The following KIF26B variants were observed in gnomAD, a reference collection of about 807,000 sequenced individuals.
The protein encoded by KIF26B is kinesin family member 26B, also known as kinesin-like protein KIF26B.
A neutral mutation model predicts 151.2 loss-of-function variants in KIF26B; 63 were observed. That is an observed-to-expected ratio of 0.42 (90% CI 0.34 to 0.51). The LOEUF (loss-of-function observed/expected upper bound fraction) is 0.51, where lower values mean the gene tolerates loss of function less well. KIF26B is among the 20% of genes least tolerant of loss of function. The pLI is 0.07. For missense variants in KIF26B, 2,813 were observed against 2,913.6 expected (o/e 0.97, Z 0.79); for synonymous variants, 1,357 against 1,262.1 (o/e 1.08, Z -1.59).
At chr1:245,435,524 G>C (rs986742004) in intron 4 of KIF26B, among the ~76,000 whole-genome samples, 2 of 152,208 alleles carry the variant, frequency 1.3e-5, no homozygotes, top group African/African-American at 4.8e-5. Context: ...AGAGGTACTT[G>C]TCTAGCTTAT....
intron 4 of KIF26B, among the ~76,000 whole-genome samples, chr1:245,487,843 C>G (rs1253519908): frequency 2.7e-5 from 4 of 150,608 alleles, no homozygotes; most frequent in Non-Finnish European, 5.9e-5. Context: ...GGCTGGAGTA[C>G]AGTGGCGCGA....
chr1:245,616,710 T>C (rs1323249030), intron 9 of KIF26B, among the ~76,000 whole-genome samples: 3 of 152,190 alleles, frequency 2.0e-5, no homozygotes, highest in Non-Finnish European at 4.4e-5. Flanking sequence ...TGGCATCATA[T>C]TGGCCTTCAA....
intron 4 of KIF26B, among the ~76,000 whole-genome samples, chr1:245,465,254 AG>A (rs1435836107): frequency 1.4e-4 from 21 of 152,300 alleles, no homozygotes; most frequent in Admixed American, 2.6e-4. Flanking sequence ...CTGGGATCAC[AG>A]GCGTGAGCCA....
In KIF26B at chr1:245,702,693, C is replaced by A; in HGVS notation, c.*87C>A. 3.6e-6 allele frequency: 5 copies of A among 1,400,500 alleles called. No individual in the cohort carries two copies. The highest frequency in any genetic ancestry group is 4.8e-6 in the Non-Finnish European group (5 of 1,037,434). The allele number at this position is 1,400,500 out of a possible 1,614,324, so 86.8% of individuals were successfully genotyped here. A position where few individuals can be genotyped will look rare whatever the true frequency, so the allele number is the denominator to read the frequency against. On this transcript the variant is annotated 3_prime_UTR_variant, in exon 15 of 15. Coordinates refer to ENST00000407071, the MANE Select transcript of KIF26B (RefSeq NM_018012.4). The surrounding 1 kb of genome is among the most constrained non-coding windows in gnomAD (Gnocchi z 4.1). ...CCCTAGGCCCTCTGTGCTGGGGCATCAAAGACAATGAATGAGGATGAAGGT... is the reference window on the plus strand; with the variant it reads ...CCCTAGGCCCTCTGTGCTGGGGCATAAAAGACAATGAATGAGGATGAAGGT...
chr1:245,373,406 G>A (rs930888114), intron 3 of KIF26B, among the ~76,000 whole-genome samples: 5 of 152,142 alleles, frequency 3.3e-5, no homozygotes, highest in African/African-American at 4.8e-5. Context: ...AAAGAACCTC[G>A]CTGGCATTTC....
intron 3 of KIF26B, among the ~76,000 whole-genome samples, chr1:245,405,312 G>C (rs564466000): frequency 5.3e-5 from 8 of 152,314 alleles, no homozygotes; most frequent in African/African-American, 1.9e-4. Context: ...ATCTTCATAA[G>C]ATCAGCCCAC....
Position 245,687,768 on chromosome 1 carries a change from T to C in KIF26B, c.4785T>C (p.Thr1595=). 1 of 1,581,314 alleles carries C rather than the reference T, an allele frequency of 6.3e-7. No homozygotes were observed. Among genetic ancestry groups the C allele is most frequent in the South Asian group, 1.2e-5 (1 of 85,936 alleles). ...GTGTTCTGGCTCGGCCCAAAGGGAC[T>C]CCCCCTCTGCCCCCTGTCCGAAAGT... is the stretch of plus-strand genomic sequence containing the variant. ...KHCVLARPKG[T]PPLPPVRKSS... The change falls in exon 12 of 15, where the codon ACT becomes ACC. Residue 1595 remains threonine (T), a synonymous_variant. Transcript: ENST00000407071. The surrounding 1 kb of genome is among the most constrained non-coding windows in gnomAD (Gnocchi z 4.9).
Position 245,516,480 on chromosome 1 carries a change from G to T in KIF26B, c.1167-24287G>T, listed in dbSNP as rs1013265388. Among the ~76,000 whole-genome samples the T allele has an allele frequency of 2.6e-5, 4 of 152,134 alleles. No homozygotes were observed. The highest frequency in any genetic ancestry group is 7.2e-5 in the African/African-American group (3 of 41,416). ...TCACATGCGTCTATATGAACGCCCC[G>T]CTGCAGCTGCCTTTGCTATACAGTG... On this transcript the variant is annotated intron_variant, in intron 4 of 14. Coordinates refer to ENST00000407071, the MANE Select transcript of KIF26B (RefSeq NM_018012.4). This position sits in a 1 kb window ranked among gnomAD's most constrained non-coding sequence, Gnocchi z 4.2.
intron 2 of KIF26B, among the ~76,000 whole-genome samples, chr1:245,347,201 G>A (rs1286539323): frequency 6.6e-6 from 1 of 152,136 alleles, no homozygotes; most frequent in Non-Finnish European, 1.5e-5. Context: ...TCTCTTGATT[G>A]AATCACTCCT....
chr1:245,369,141 A>G (rs891554386), intron 3 of KIF26B, among the ~76,000 whole-genome samples: 4 of 151,386 alleles, frequency 2.6e-5, no homozygotes, highest in Non-Finnish European at 5.9e-5. Flanking sequence ...TGACAGAGCA[A>G]GACTCTGAAT....
intron 2 of KIF26B, among the ~76,000 whole-genome samples, chr1:245,350,046 T>C (rs574981503): frequency 3.0e-4 from 45 of 150,372 alleles, no homozygotes; most frequent in Admixed American, 1.1e-3. Flanking sequence ...AGTATATATA[T>C]ATATATTTTT....
At chr1:245,315,762 C>T (rs372499398) in intron 2 of KIF26B, among the ~76,000 whole-genome samples, 5 of 151,006 alleles carry the variant, frequency 3.3e-5, no homozygotes, top group South Asian at 2.1e-4. Context: ...TGGTGGTGCA[C>T]GTCGTGGTCC....
intron 5 of KIF26B, among the ~76,000 whole-genome samples, chr1:245,543,584 C>T (rs934987703): frequency 1.3e-5 from 2 of 152,160 alleles, no homozygotes; most frequent in Admixed American, 6.5e-5. Flanking sequence ...TCCTGATCTG[C>T]TCAGGCTTCT....
At chr1:245,164,787 T>C (rs1055699101) in intron 2 of KIF26B, among the ~76,000 whole-genome samples, 3 of 152,302 alleles carry the variant, frequency 2.0e-5, no homozygotes, top group Admixed American at 2.0e-4. Context: ...TAAGAAAGAT[T>C]GCTGGCCAGG....
chr1:245,322,635 G>C (rs532982865), intron 2 of KIF26B, among the ~76,000 whole-genome samples: 12 of 152,278 alleles, frequency 7.9e-5, no homozygotes, highest in Admixed American at 6.5e-4. Context: ...CTGATTACCT[G>C]TTTGTATGGC....
intron 2 of KIF26B, among the ~76,000 whole-genome samples, chr1:245,179,630 C>T (rs1180596015): frequency 1.4e-5 from 2 of 145,702 alleles, no homozygotes; most frequent in South Asian, 2.1e-4. Flanking sequence ...GACTCAAAAA[C>T]AAAACAAAAA....
chr1:245,271,349 T>C (rs993327149), intron 2 of KIF26B, among the ~76,000 whole-genome samples: 6 of 152,224 alleles, frequency 3.9e-5, no homozygotes, highest in African/African-American at 1.4e-4. Context: ...CTTCAGGTAC[T>C]ATGGACATTT....
At chr1:245,325,651 C>T (rs948770736) in intron 2 of KIF26B, among the ~76,000 whole-genome samples, 1 of 151,726 alleles carries the variant, frequency 6.6e-6, no homozygotes, top group Non-Finnish European at 1.5e-5. Flanking sequence ...GCAGAGGTTG[C>T]GGTGAGCCAA....
At chr1:245,696,831 C>G (rs776138150) in intron 12 of KIF26B, among the ~76,000 whole-genome samples, 2 of 152,108 alleles carry the variant, frequency 1.3e-5, no homozygotes, top group African/African-American at 2.4e-5. Context: ...AGGTTTTGGC[C>G]GGGCACAGTG....
Sources: allele counts gnomAD v4.1 joint callset (sites outside exome capture counted in the v4.1 genomes callset), GRCh38; gene constraint gnomAD v4.1.1; non-coding constraint Gnocchi (gnomAD v3.1); transcripts MANE v1.5; gene names NCBI Gene and HGNC (gene_info 2026-07-23, HGNC 2026-07-21).